The following SORL1 variants were observed in gnomAD, a reference collection of about 807,000 sequenced individuals.
SORL1 encodes sortilin-related receptor.
In SORL1, 127 loss-of-function variants were observed where a neutral mutation model predicts 273.7. The ratio of observed to expected loss-of-function variants is 0.46; its 90% CI spans 0.40 to 0.54. The LOEUF is 0.54. SORL1 is among the 20% of genes least tolerant of loss of function. The pLI is 0.00. For synonymous variants in SORL1, 1,031 were observed against 1,067.4 expected (o/e 0.97, Z 0.66); for missense variants, 2,494 against 2,846.1 (o/e 0.88, Z 2.81).
At chr11:121,553,898 C>T in intron 16 of SORL1, 39 bp from the exon 17 acceptor site, 1 of 1,591,268 alleles carries the variant, frequency 6.3e-7, no homozygotes, top group Non-Finnish European at 8.6e-7. Context: ...TTCAGCATCC[C>T]CTGGGTCCAA....
In SORL1 at chr11:121,627,350, C is replaced by T. The variant is rs1266944912; in HGVS notation, c.6365-205C>T. ...AATGTAATTACCATATTTGCATGCA[C>T]AAGGCCCTTGGTCTATCAGCTCATG... On this transcript the variant is annotated intron_variant, in intron 46 of 47. Transcript: ENST00000260197. The surrounding 1 kb of genome is among the most constrained non-coding windows in gnomAD (Gnocchi z 4.9). 6.7e-6 allele frequency: 4 copies of T among 592,720 alleles called. No homozygotes were observed. The highest frequency in any genetic ancestry group is 1.2e-5 in the Non-Finnish European group (4 of 332,078). 36.7% of individuals were successfully genotyped at this position (592,720 alleles called of 1,614,324 possible).
At chr11:121,547,949 C>A (rs897847667) in intron 14 of SORL1, among the ~76,000 whole-genome samples, 1 of 152,150 alleles carries the variant, frequency 6.6e-6, no homozygotes, top group African/African-American at 2.4e-5. Context: ...CCTTTTAGAC[C>A]ACACTGGGAA....
chr11:121,572,083 A>G (rs1862852819), intron 23 of SORL1, among the ~76,000 whole-genome samples: 1 of 152,214 alleles, frequency 6.6e-6, no homozygotes, highest in Non-Finnish European at 1.5e-5. Flanking sequence ...GCCCAGACAT[A>G]ATTAGGCACA....
chr11:121,612,723 T>C lies in SORL1; in HGVS notation c.5323-13T>C, dbSNP rs745878689. On this transcript the variant is annotated splice_polypyrimidine_tract_variant and intron_variant, in intron 39 of 47. Transcript: ENST00000260197. ...CTAGCTGTTCATCTAACATGCTTCT[T>C]GGTTCTCGGCAGGTGAATGGCTATG... is the stretch of plus-strand genomic sequence containing the variant. 6.2e-7 allele frequency: 1 copy of C among 1,608,744 alleles called. No individual in the cohort carries two copies. The highest frequency in any genetic ancestry group is 2.2e-5 in the East Asian group (1 of 44,862).
chr11:121,488,312 C>G lies in SORL1; in HGVS notation c.690+119C>G, dbSNP rs1861506041. The stretch of plus-strand genomic sequence containing the variant: ...TGCCTCTCCCTCCTTCTCTCTTGGG[C>G]CTAGCCTTTGTAGCTACTATTTCAC... On this transcript the variant is annotated intron_variant, in intron 4 of 47. Coordinates refer to ENST00000260197, the MANE Select transcript of SORL1 (RefSeq NM_003105.6). 2.9e-6 allele frequency: 3 copies of G among 1,018,334 alleles called. No individual in the cohort carries two copies. The Admixed American group carries it at 7.1e-5, about 24-fold the overall frequency. 63.1% of individuals were successfully genotyped at this position (1,018,334 alleles called of 1,614,324 possible). A position where few individuals can be genotyped will look rare whatever the true frequency, so the allele number is the denominator to read the frequency against.
intron 6 of SORL1, among the ~76,000 whole-genome samples, chr11:121,497,380 G>C (rs1174292229): frequency 1.3e-5 from 2 of 152,204 alleles, no homozygotes; most frequent in African/African-American, 2.4e-5. Context: ...ATGGAGAGGG[G>C]AGGGTGGCTC....
In SORL1 at chr11:121,554,429, C is replaced by G. The variant is rs1862548489; in HGVS notation, c.2439+320C>G. On this transcript the variant is annotated intron_variant, in intron 17 of 47. Coordinates refer to ENST00000260197, the MANE Select transcript of SORL1 (RefSeq NM_003105.6). The surrounding 1 kb of genome is among the most constrained non-coding windows in gnomAD (Gnocchi z 4.6). ...TGCCCCCCTATTGTGCCAACTGCCTCTTGAGCATCTTTCTTCCCAAGCCAT... is the reference window on the plus strand; with the variant it reads ...TGCCCCCCTATTGTGCCAACTGCCTGTTGAGCATCTTTCTTCCCAAGCCAT... Among the ~76,000 whole-genome samples the G allele has an allele frequency of 6.6e-6, 1 of 152,162 alleles. No homozygotes were observed. Among genetic ancestry groups the G allele is most frequent in the African/African-American group, 2.4e-5 (1 of 41,420 alleles).
At chr11:121,524,231 A>G (rs1862085837) in intron 11 of SORL1, among the ~76,000 whole-genome samples, 1 of 152,240 alleles carries the variant, frequency 6.6e-6, no homozygotes, top group African/African-American at 2.4e-5. Flanking sequence ...GAAATGGGGT[A>G]TCCTCTTCTC....
At chr11:121,608,288 A>C (rs957699837) in intron 38 of SORL1, 112 bp downstream of exon 38, 24 of 870,786 alleles carry the variant, frequency 2.8e-5, no homozygotes, top group Non-Finnish European at 4.4e-5. Context: ...ACATCACACA[A>C]CTTTCTTCTC....
intron 35 of SORL1, 34 bp downstream of exon 35, chr11:121,605,605 A>C: frequency 6.3e-7 from 1 of 1,584,792 alleles, no homozygotes; most frequent in Non-Finnish European, 8.7e-7. Flanking sequence ...TGGCATGGGT[A>C]AGACCTCAGG....
chr11:121,492,806 A>AT (rs34141065), intron 5 of SORL1, among the ~76,000 whole-genome samples: 127,978 of 140,350 alleles, frequency 0.91, 58,678 homozygotes, highest in Non-Finnish European at 0.97. Flanking sequence ...CTTAAGGGTC[A>AT]TTTTTTTTTT....
chr11:121,619,134 A>G (rs1863684450), intron 42 of SORL1, among the ~76,000 whole-genome samples: 1 of 152,272 alleles, frequency 6.6e-6, no homozygotes, highest in South Asian at 2.1e-4. Flanking sequence ...GATCACAAGT[A>G]TAGATAAATC....
chr11:121,618,578 T>C (rs562220271), intron 41 of SORL1, among the ~76,000 whole-genome samples, 196 bp from the exon 42 acceptor site: 1 of 152,354 alleles, frequency 6.6e-6, no homozygotes, highest in South Asian at 2.1e-4. Context: ...CCACATCATA[T>C]TTATTTTTGT....
At chr11:121,458,063 C>G (rs530016183) in intron 1 of SORL1, among the ~76,000 whole-genome samples, 23 of 152,192 alleles carry the variant, frequency 1.5e-4, no homozygotes, top group Non-Finnish European at 3.2e-4. Context: ...CTTTGTTCCA[C>G]CCACTGTAAT....
chr11:121,611,116 A>G lies in SORL1; in HGVS notation c.5280A>G (p.Glu1760=). The G allele has an allele frequency of 6.2e-7, 1 of 1,613,810 alleles. No homozygotes were observed. Among genetic ancestry groups the G allele is most frequent in the South Asian group, 1.1e-5 (1 of 91,072 alleles). Residue 1760 remains glutamate (E), a synonymous_variant, in exon 39 of 48, where the codon GAA becomes GAG. Transcript: ENST00000260197. ...PPDIHIDSYG[E]NYLSFTLTME... ...ATATCCACATTGACAGCTATGGTGA[A>G]AATTATCTAAGCTTCACCCTGACCA...
chr11:121,545,324 CTG>C lies in SORL1; in HGVS notation c.1948_1949del (p.Val650PhefsTer17). 6.2e-7 allele frequency: 1 copy of C among 1,614,202 alleles called. No individual in the cohort carries two copies. Among genetic ancestry groups the C allele is most frequent in the Non-Finnish European group, 8.5e-7 (1 of 1,180,022 alleles). On this transcript the variant is annotated frameshift_variant, in exon 14 of 48. Coordinates refer to ENST00000260197, the MANE Select transcript of SORL1 (RefSeq NM_003105.6). LOFTEE classifies it high-confidence loss of function. Reference sequence around the variant, plus strand: ...AATGAGTGTTTGCTGGGACACAAGACTGTTTTCAAACGGCGGACCCCCCATGC... The same window carrying C: ...AATGAGTGTTTGCTGGGACACAAGACTTTTCAAACGGCGGACCCCCCATGC...
At chr11:121,574,979 C>A (rs1862906209) in intron 24 of SORL1, among the ~76,000 whole-genome samples, 1 of 151,974 alleles carries the variant, frequency 6.6e-6, no homozygotes, top group African/African-American at 2.4e-5. Context: ...TTAATTCATT[C>A]AACTCTGTTA....
rs1256496901 is a variant in SORL1, at chr11:121,558,787, T to C, written c.2860T>C (p.Ser954Pro). 1.9e-6 allele frequency: 3 copies of C among 1,614,098 alleles called. No individual in the cohort carries two copies. The highest frequency in any genetic ancestry group is 2.5e-6 in the Non-Finnish European group (3 of 1,180,038). ...ERITFSGQQR[S>P]VILDNLPHPY... ...GATCACGTTCAGTGGCCAGCAGCGC[T>C]CTGTCATTCTGGACAACCTCCCGCA... Residue 954 changes from serine to proline, a missense_variant, in exon 20 of 48, where the codon TCT (serine) becomes CCT (proline). This residue lies in a region of SORL1 where 1,609 missense variants were observed against 1,816.4 expected (regional missense o/e 0.89). Coordinates refer to ENST00000260197, the MANE Select transcript of SORL1 (RefSeq NM_003105.6).
chr11:121,621,678 C>T (rs1428018780), intron 44 of SORL1, among the ~76,000 whole-genome samples: 2 of 152,194 alleles, frequency 1.3e-5, no homozygotes, highest in African/African-American at 2.4e-5. Flanking sequence ...AAAGGGCAGT[C>T]AGGCTCAAGT....
Sources: allele counts gnomAD v4.1 joint callset (sites outside exome capture counted in the v4.1 genomes callset), GRCh38; gene constraint gnomAD v4.1.1; regional missense constraint gnomAD v4.1.1; non-coding constraint Gnocchi (gnomAD v3.1); transcripts MANE v1.5; gene names NCBI Gene and HGNC (gene_info 2026-07-23, HGNC 2026-07-21).